Variants in SH3RF3 observed in about 807,000 individuals in gnomAD.
The protein encoded by SH3RF3 is E3 ubiquitin-protein ligase SH3RF3.
A neutral mutation model predicts 66.3 loss-of-function variants in SH3RF3; 29 were observed. The ratio of observed to expected loss-of-function variants is 0.44; its 90% CI spans 0.33 to 0.60. The LOEUF is 0.60. Among genes scored for constraint, SH3RF3 ranks in the 20% least tolerant of loss-of-function variants. The pLI, the probability that SH3RF3 is intolerant of heterozygous loss-of-function variation, is 0.04. For missense variants in SH3RF3, 1,194 were observed against 1,190.9 expected (o/e 1.00, Z -0.04); for synonymous variants, 583 against 532.0 (o/e 1.10, Z -1.32).
chr2:109,379,565 G>A (rs1683465768), intron 3 of SH3RF3, among the ~76,000 whole-genome samples: 1 of 152,236 alleles, frequency 6.6e-6, no homozygotes, highest in South Asian at 2.1e-4. Context: ...ACTCAGGGAT[G>A]TCTGCCAGGG....
At chr2:109,148,129 C>G (rs1406225618) in intron 1 of SH3RF3, among the ~76,000 whole-genome samples, 2 of 152,194 alleles carry the variant, frequency 1.3e-5, no homozygotes, top group Non-Finnish European at 2.9e-5. Context: ...TTTGTGTGGC[C>G]TTTTGGTCTC....
intron 7 of SH3RF3, among the ~76,000 whole-genome samples, chr2:109,438,395 T>G (rs887820660): frequency 3.9e-5 from 6 of 152,144 alleles, no homozygotes; most frequent in Non-Finnish European, 5.9e-5. Flanking sequence ...CAGGTGGACT[T>G]CAGGTGCCCA....
chr2:109,496,189 T>C (rs1461472309), intron 9 of SH3RF3, among the ~76,000 whole-genome samples: 1 of 152,214 alleles, frequency 6.6e-6, no homozygotes, highest in African/African-American at 2.4e-5. Context: ...TGGTGCATTT[T>C]ACAGAGTGCG....
intron 1 of SH3RF3, among the ~76,000 whole-genome samples, chr2:109,330,517 G>A (rs1449443404): frequency 6.6e-6 from 1 of 152,178 alleles, no homozygotes; most frequent in Non-Finnish European, 1.5e-5. Context: ...GTCCCCCCTT[G>A]TATTGTTAGA....
intron 1 of SH3RF3, among the ~76,000 whole-genome samples, chr2:109,145,080 A>T (rs985440319): frequency 1.8e-4 from 28 of 152,130 alleles, no homozygotes; most frequent in Non-Finnish European, 1.6e-4. Context: ...GGGCCCTCTT[A>T]CGGGGCCTGG....
intron 1 of SH3RF3, among the ~76,000 whole-genome samples, chr2:109,173,142 T>C (rs1480843454): frequency 6.6e-6 from 1 of 152,244 alleles, no homozygotes; most frequent in African/African-American, 2.4e-5. Flanking sequence ...TTTAAAAATT[T>C]GTAACTTCTA....
intron 4 of SH3RF3, among the ~76,000 whole-genome samples, chr2:109,409,513 A>T (rs1232447929): frequency 6.6e-6 from 1 of 152,058 alleles, no homozygotes; most frequent in African/African-American, 2.4e-5. Flanking sequence ...GCAAATTTGG[A>T]ACTCCTACGG....
chr2:109,366,987 A>AT (rs1372473582), intron 2 of SH3RF3, among the ~76,000 whole-genome samples: 2 of 152,148 alleles, frequency 1.3e-5, no homozygotes, highest in African/African-American at 4.8e-5. Flanking sequence ...ACAGAGTCTC[A>AT]TTCTCGCCCA....
rs573716973 is a variant in SH3RF3 at position 109,201,516 on chromosome 2, G to C, written c.573+71403G>C. 1.5e-3 allele frequency among the ~76,000 whole-genome samples: 225 copies of C among 152,262 alleles called. 2 individuals carry two copies. Among genetic ancestry groups the C allele is most frequent in the African/African-American group, 5.2e-3 (216 of 41,562 alleles). ...CTGGCTACCCCAGGCCACCCTTGCTGTCTCCTGCTAGGGTCTCCCCTCCCT... is the reference window on the plus strand; with the variant it reads ...CTGGCTACCCCAGGCCACCCTTGCTCTCTCCTGCTAGGGTCTCCCCTCCCT... On this transcript the variant is annotated intron_variant, in intron 1 of 9. Transcript: ENST00000309415.
intron 9 of SH3RF3, among the ~76,000 whole-genome samples, chr2:109,493,797 A>G (rs1011302982): frequency 1.4e-3 from 217 of 152,182 alleles, no homozygotes; most frequent in Non-Finnish European, 1.4e-3. Flanking sequence ...AAACACACAT[A>G]ACACACAGAT....
intron 1 of SH3RF3, among the ~76,000 whole-genome samples, chr2:109,259,119 ATGTAATAGC>A (rs772238415): frequency 6.6e-6 from 1 of 152,248 alleles, no homozygotes; most frequent in Non-Finnish European, 1.5e-5. Context: ...GCCAGATCAC[ATGTAATAGC>A]TGCAACATGC....
intron 7 of SH3RF3, among the ~76,000 whole-genome samples, chr2:109,437,418 T>C (rs1323198993): frequency 2.0e-5 from 3 of 152,016 alleles, no homozygotes; most frequent in African/African-American, 7.2e-5. Flanking sequence ...ACTTGCCTTA[T>C]CATGTTACCC....
In SH3RF3 at chr2:109,203,858, C is replaced by T. The variant is rs950109611; in HGVS notation, c.573+73745C>T. 2.6e-5 allele frequency among the ~76,000 whole-genome samples: 4 copies of T among 152,196 alleles called. No homozygotes were observed. The East Asian group carries it at 7.7e-4, about 29-fold the overall frequency. On this transcript the variant is annotated intron_variant, in intron 1 of 9. Coordinates refer to ENST00000309415, the MANE Select transcript of SH3RF3 (RefSeq NM_001099289.3). ...CTTGTGTGGGTGCCTCGCTACCTAC[C>T]CCTGGGCCCTTCTTGTTCCCTGTGC...
chr2:109,335,683 G>T (rs1449442504), intron 1 of SH3RF3, among the ~76,000 whole-genome samples: 1 of 152,102 alleles, frequency 6.6e-6, no homozygotes, highest in African/African-American at 2.4e-5. Context: ...CTCCACCCGG[G>T]TGGGGACCTC....
At chr2:109,317,356 C>T (rs1681910667) in intron 1 of SH3RF3, among the ~76,000 whole-genome samples, 1 of 152,120 alleles carries the variant, frequency 6.6e-6, no homozygotes, top group African/African-American at 2.4e-5. Flanking sequence ...GGTGCCGCCC[C>T]AGCCCCAGGG....
At position 109,403,654 on chromosome 2, in the gene SH3RF3, G is replaced by T. The variant is rs557434257; in HGVS notation, c.1299+4711G>T. ...CTGCTTTGCTTTTCTTTTAGGCTGA[G>T]GCCAGGCTCAATGCAGGGTGCTGGG... On this transcript the variant is annotated intron_variant, in intron 4 of 9. Transcript: ENST00000309415. Among the ~76,000 whole-genome samples the T allele has an allele frequency of 2.5e-4, 38 of 152,322 alleles. 1 individual carries two copies. Among genetic ancestry groups the T allele is most frequent in the African/African-American group, 8.9e-4 (37 of 41,578 alleles).
chr2:109,329,679 G>A lies in SH3RF3; in HGVS notation c.574-17995G>A, dbSNP rs141287785. Among the ~76,000 whole-genome samples, 1,180 of 150,988 alleles carry A rather than the reference G, an allele frequency of 7.8e-3. 9 individuals carry two copies. The highest frequency in any genetic ancestry group is 0.03 in the South Asian group (143 of 4,792). ...TTTCTAGAGGCTGCAAGAGGGCAGTGCTCAGCTTGATTTAGAGCCAAGAAG... is the reference window on the plus strand; with the variant it reads ...TTTCTAGAGGCTGCAAGAGGGCAGTACTCAGCTTGATTTAGAGCCAAGAAG... On this transcript the variant is annotated intron_variant, in intron 1 of 9. Transcript: ENST00000309415.
At chr2:109,189,153 GA>G (rs750038285) in intron 1 of SH3RF3, among the ~76,000 whole-genome samples, 2 of 151,932 alleles carry the variant, frequency 1.3e-5, no homozygotes, top group Non-Finnish European at 2.9e-5. Context: ...TGACCTCGCT[GA>G]CAGTGTTGTG....
Position 109,449,300 on chromosome 2 carries a change from C to A in SH3RF3, c.1959C>A (p.Ser653Arg). 2 of 1,607,960 alleles carry A rather than the reference C, an allele frequency of 1.2e-6. No individual in the cohort carries two copies. The highest frequency in any genetic ancestry group is 8.5e-7 in the Non-Finnish European group (1 of 1,177,134). Residue 653 changes from serine (S) to arginine (R), a missense_variant, in exon 8 of 10, where the codon AGC (serine) becomes AGA (arginine). By Grantham distance (110) the Ser-to-Arg change is moderately radical. Coordinates refer to ENST00000309415, the MANE Select transcript of SH3RF3 (RefSeq NM_001099289.3). ...ACTCGGTGGTGTCCCCGCAGCACAG[C>A]CACCAGCCCCCGGTGCAGATGTGCC... ...RPHSVVSPQH[S>R]HQPPVQMCPR... is the part of the protein sequence containing the mutation.
Sources: allele counts gnomAD v4.1 joint callset (sites outside exome capture counted in the v4.1 genomes callset), GRCh38; gene constraint gnomAD v4.1.1; transcripts MANE v1.5; gene names NCBI Gene and HGNC (gene_info 2026-07-23, HGNC 2026-07-21).